Variants in CASTOR2 observed in about 807,000 individuals in gnomAD.
The protein encoded by CASTOR2 is GATS protein like 2.
CASTOR2 carries 8 observed loss-of-function variants against 31.2 expected under a neutral mutation model. The observed-to-expected ratio is 0.26, with a 90% CI of 0.15 to 0.46. CASTOR2 has a LOEUF of 0.46. Among genes scored for constraint, CASTOR2 ranks in the 20% least tolerant of loss-of-function variants. The probability of loss-of-function intolerance (pLI) is 0.99; values close to 1 mark genes in which losing one functional copy is unlikely to be tolerated. For missense variants in CASTOR2, 216 were observed against 382.1 expected (o/e 0.57, Z 3.62); for synonymous variants, 162 against 158.7 (o/e 1.02, Z -0.16).
rs1288493195 is a variant in CASTOR2 at position 75,005,558 on chromosome 7, T to A, written c.114-2436T>A. On this transcript the variant is annotated intron_variant, in intron 1 of 8. Transcript: ENST00000616305. ...AACAAAAATTGTGTCCATTGTTGTT[T>A]CCAATTTAGGGCAAATACAAACAGG... Among the ~76,000 whole-genome samples, 4 of 152,200 alleles carry A rather than the reference T, an allele frequency of 2.6e-5. No individual in the cohort carries two copies. In the East Asian group the frequency reaches 7.7e-4, roughly 29 times the overall value.
chr7:75,013,246 C>G (rs1465665614), intron 2 of CASTOR2, among the ~76,000 whole-genome samples: 7 of 152,338 alleles, frequency 4.6e-5, no homozygotes, highest in African/African-American at 1.4e-4. Flanking sequence ...TAGAAGCTAG[C>G]AGCTGGCCAT....
At chr7:75,002,320 A>C (rs1222859179) in intron 1 of CASTOR2, among the ~76,000 whole-genome samples, 2 of 152,060 alleles carry the variant, frequency 1.3e-5, no homozygotes, top group African/African-American at 4.8e-5. Context: ...TATGCTGGGT[A>C]GCTGAAAGAA....
intron 1 of CASTOR2, among the ~76,000 whole-genome samples, chr7:74,993,903 G>A (rs1688171469): frequency 6.6e-6 from 1 of 152,060 alleles, no homozygotes; most frequent in African/African-American, 2.4e-5. Flanking sequence ...AGTTTACCTG[G>A]AAGTGTCTCT....
chr7:75,012,120 A>G (rs1336384381), intron 2 of CASTOR2, among the ~76,000 whole-genome samples: 1 of 152,150 alleles, frequency 6.6e-6, no homozygotes, highest in African/African-American at 2.4e-5. Flanking sequence ...ATAAGGAGAA[A>G]GTGCTGCCGG....
rs1158456043 is a variant in CASTOR2 at position 74,999,601 on chromosome 7, CTTTTTTTTTTTTTTTTTTT to C, written c.114-8376_114-8358del. 2.6e-4 allele frequency among the ~76,000 whole-genome samples: 12 copies of C among 45,786 alleles called. No homozygotes were observed. In the East Asian group the frequency reaches 7.8e-3, roughly 30 times the overall value. The allele number at this position is 45,786 out of a possible 152,430, so 30.0% of individuals were successfully genotyped here. A position where few individuals can be genotyped will look rare whatever the true frequency, so the allele number is the denominator to read the frequency against. On this transcript the variant is annotated intron_variant, in intron 1 of 8. Transcript: ENST00000616305. ...CCCGAAACACTTCTATCACTCACTG[CTTTTTTTTTTTTTTTTTTT>C]TTTTTTTTTTTTTTTTGAGACGGAA...
chr7:74,997,663 T>A (rs1354976773), intron 1 of CASTOR2, among the ~76,000 whole-genome samples: 1 of 151,866 alleles, frequency 6.6e-6, no homozygotes, highest in Non-Finnish European at 1.5e-5. Flanking sequence ...TGACCTCAAG[T>A]GATCTGCTTG....
intron 1 of CASTOR2, among the ~76,000 whole-genome samples, chr7:74,995,997 ATGAT>A (rs1804338221): frequency 6.6e-6 from 1 of 151,910 alleles, no homozygotes. Flanking sequence ...AGATGGGCGA[ATGAT>A]CAGAGACTTT....
chr7:75,022,099 C>A, intron 7 of CASTOR2, 143 bp downstream of exon 7: 1 of 959,208 alleles, frequency 1.0e-6, no homozygotes, highest in Non-Finnish European at 1.6e-6. Context: ...ATTTCTGTTG[C>A]TCACTGGTGT....
chr7:74,993,445 C>CT lies in CASTOR2; in HGVS notation c.114-14526dup, dbSNP rs1156811360. On this transcript the variant is annotated intron_variant, in intron 1 of 8. Transcript: ENST00000616305. ...TGGTTCCCTGAAGGTCCTCCTTTGT[C>CT]TTTTTTTTTTTTTTTTTTTTTTTGA... Among the ~76,000 whole-genome samples the CT allele has an allele frequency of 1.7e-3, 129 of 77,608 alleles. 1 individual carries two copies. The highest frequency in any genetic ancestry group is 2.5e-3 in the African/African-American group (50 of 20,300). The allele number at this position is 77,608 out of a possible 152,430, so 50.9% of individuals were successfully genotyped here. A position where few individuals can be genotyped will look rare whatever the true frequency, so the allele number is the denominator to read the frequency against.
intron 1 of CASTOR2, among the ~76,000 whole-genome samples, chr7:74,998,655 A>C (rs1268836068): frequency 1.3e-5 from 2 of 150,208 alleles, no homozygotes; most frequent in Non-Finnish European, 3.0e-5. Flanking sequence ...CAGTACTATG[A>C]TGGATATCAC....
At chr7:75,008,840 C>T (rs1804663865) in intron 2 of CASTOR2, among the ~76,000 whole-genome samples, 1 of 152,144 alleles carries the variant, frequency 6.6e-6, no homozygotes, top group African/African-American at 2.4e-5. Flanking sequence ...CTACCAGCTA[C>T]TTGGGAGGCT....
At chr7:74,981,263 T>TG (rs1803940237) in intron 1 of CASTOR2, among the ~76,000 whole-genome samples, 1 of 85,352 alleles carries the variant, frequency 1.2e-5, no homozygotes, top group South Asian at 4.9e-4. Flanking sequence ...CTTGGCTCAC[T>TG]GCAACCTCCG....
chr7:75,019,890 C>T (rs1289182260), intron 5 of CASTOR2, 149 bp from the exon 6 acceptor site: 8 of 688,356 alleles, frequency 1.2e-5, no homozygotes, highest in African/African-American at 7.3e-5. Context: ...AAATCATCCC[C>T]GTGGCATAGC....
In CASTOR2 at chr7:75,027,966, C is replaced by G. The variant is rs1326524879; in HGVS notation, c.*3267C>G. On this transcript the variant is annotated 3_prime_UTR_variant, in exon 9 of 9. Coordinates refer to ENST00000616305, the MANE Select transcript of CASTOR2 (RefSeq NM_001145064.3). ...CCCACTTGGAGGGGCATGTGTTTCT[C>G]AGAGGGGCTCCATCCGCAGTTGCAT... 1 of 1,497,666 alleles carries G rather than the reference C, an allele frequency of 6.7e-7. No individual in the cohort carries two copies. The highest frequency in any genetic ancestry group is 2.5e-5 in the East Asian group (1 of 40,734). The allele number at this position is 1,497,666 out of a possible 1,614,324, so 92.8% of individuals were successfully genotyped here. A position where few individuals can be genotyped will look rare whatever the true frequency, so the allele number is the denominator to read the frequency against.
chr7:74,998,246 C>T (rs1554438100), intron 1 of CASTOR2, among the ~76,000 whole-genome samples: 2 of 152,194 alleles, frequency 1.3e-5, no homozygotes, highest in African/African-American at 4.8e-5. Flanking sequence ...AGACCTCGTA[C>T]CAAGCCCTGT....
intron 1 of CASTOR2, among the ~76,000 whole-genome samples, chr7:74,993,295 C>T (rs1307263244): frequency 1.3e-5 from 2 of 152,094 alleles, no homozygotes; most frequent in Non-Finnish European, 2.9e-5. Flanking sequence ...AGTTCCCCAT[C>T]CCTAGGTGTA....
chr7:74,980,611 G>A (rs1241129271), intron 1 of CASTOR2, among the ~76,000 whole-genome samples: 17 of 136,596 alleles, frequency 1.2e-4, no homozygotes, highest in Admixed American at 2.1e-4. Flanking sequence ...TGCAAGCCTC[G>A]GCGAGGTGGC....
In CASTOR2 at chr7:75,028,084, C is replaced by A; in HGVS notation, c.*3385C>A. 1.3e-6 allele frequency: 2 copies of A among 1,511,550 alleles called. No homozygotes were observed. The highest frequency in any genetic ancestry group is 8.8e-7 in the Non-Finnish European group (1 of 1,135,380). 93.6% of individuals were successfully genotyped at this position (1,511,550 alleles called of 1,614,324 possible). A position where few individuals can be genotyped will look rare whatever the true frequency, so the allele number is the denominator to read the frequency against. On this transcript the variant is annotated 3_prime_UTR_variant, in exon 9 of 9. Transcript: ENST00000616305. ...GCTGGCGGATGGGGCAGGTGCCTGGCGGGGGAGGAAGAGGGCTCTCTATGA... is the reference window on the plus strand; with the variant it reads ...GCTGGCGGATGGGGCAGGTGCCTGGAGGGGGAGGAAGAGGGCTCTCTATGA...
rs1239773428 is a variant in CASTOR2 at position 74,994,110 on chromosome 7, G to A, written c.114-13884G>A. ...TCAGCCGGGCCGTCCACAACAGGCAGCCGCAGCGATTGAAGATGGGAATGT... is the reference window on the plus strand; with the variant it reads ...TCAGCCGGGCCGTCCACAACAGGCAACCGCAGCGATTGAAGATGGGAATGT... On this transcript the variant is annotated intron_variant, in intron 1 of 8. Coordinates refer to ENST00000616305, the MANE Select transcript of CASTOR2 (RefSeq NM_001145064.3). Among the ~76,000 whole-genome samples, 8 of 152,364 alleles carry A rather than the reference G, an allele frequency of 5.3e-5. No homozygotes were observed. In the South Asian group the frequency reaches 1.7e-3, roughly 32 times the overall value.
Sources: allele counts gnomAD v4.1 joint callset (sites outside exome capture counted in the v4.1 genomes callset), GRCh38; gene constraint gnomAD v4.1.1; transcripts MANE v1.5; gene names NCBI Gene and HGNC (gene_info 2026-07-23, HGNC 2026-07-21).